Variants in ATP9B observed in about 807,000 individuals in gnomAD.
ATP9B encodes probable phospholipid-transporting ATPase IIB.
A neutral mutation model predicts 146.1 loss-of-function variants in ATP9B; 110 were observed. The observed-to-expected ratio is 0.75, with a 90% confidence interval of 0.65 to 0.88. ATP9B has a LOEUF of 0.88. Ranked by LOEUF, ATP9B falls within the 40% of genes least tolerant of loss-of-function variation. The probability of loss-of-function intolerance (pLI) is 0.00; values close to 1 mark genes in which losing one functional copy is unlikely to be tolerated. For missense variants in ATP9B, 1,499 were observed against 1,496.4 expected, an observed-to-expected ratio of 1.00 and a Z score of -0.03; for synonymous variants, 604 against 569.7, an observed-to-expected ratio of 1.06 and a Z score of -0.86.
At chr18:79,082,710 G>C (rs753488651) in intron 1 of ATP9B, among the ~76,000 whole-genome samples, 17 of 152,216 alleles carry the variant, frequency 1.1e-4, no homozygotes, top group Non-Finnish European at 8.8e-5. Flanking sequence ...TCCAGATCCT[G>C]TTTACCTGGG....
chr18:79,281,791 A>G (rs1024709401), intron 13 of ATP9B, among the ~76,000 whole-genome samples: 1 of 152,224 alleles, frequency 6.6e-6, no homozygotes, highest in Non-Finnish European at 1.5e-5. Flanking sequence ...TGGGAGGCCA[A>G]GGCAGGCGGA....
At chr18:79,110,289 C>T (rs1361518837) in intron 2 of ATP9B, 66 bp from the exon 3 acceptor site, 3 of 1,417,518 alleles carry the variant, frequency 2.1e-6, no homozygotes, top group Admixed American at 2.4e-5. Flanking sequence ...TAAATATGTA[C>T]AATTAGTTTG....
At chr18:79,136,223 G>A (rs1269690033) in intron 5 of ATP9B, among the ~76,000 whole-genome samples, 1 of 152,074 alleles carries the variant, frequency 6.6e-6, no homozygotes, top group Non-Finnish European at 1.5e-5. Flanking sequence ...GTTTTGAATG[G>A]GATTTCATTG....
At chr18:79,332,645 C>A (rs931541600) in intron 17 of ATP9B, among the ~76,000 whole-genome samples, 1 of 152,034 alleles carries the variant, frequency 6.6e-6, no homozygotes. Context: ...AAGCTCACTC[C>A]GCATAAACTT....
chr18:79,273,376 A>G (rs2096275776), intron 12 of ATP9B, among the ~76,000 whole-genome samples: 1 of 152,198 alleles, frequency 6.6e-6, no homozygotes, highest in Admixed American at 6.5e-5. Flanking sequence ...ATCCCATGAA[A>G]AATGGAAAGA....
At chr18:79,162,099 T>G (rs1263176645) in intron 7 of ATP9B, among the ~76,000 whole-genome samples, 1 of 152,252 alleles carries the variant, frequency 6.6e-6, no homozygotes, top group Non-Finnish European at 1.5e-5. Context: ...CTTTTTAGTT[T>G]CAGTTTGAAA....
Position 79,193,221 on chromosome 18 carries a change from A to G in ATP9B, c.912A>G (p.Lys304=), listed in dbSNP as rs1464926603. 6.2e-7 allele frequency: 1 copy of G among 1,612,322 alleles called. No homozygotes were observed. Among genetic ancestry groups the G allele is most frequent in the Admixed American group, 1.7e-5 (1 of 60,012 alleles). ...FSISAYVYAQ[K]PQMDIHSFEG... Reference sequence around the variant, plus strand: ...TCAGTGCTTATGTTTATGCTCAGAAACCACAAATGGACATTCACAGTTTCG... The same window carrying G: ...TCAGTGCTTATGTTTATGCTCAGAAGCCACAAATGGACATTCACAGTTTCG... The change falls in exon 9 of 30, where the codon AAA becomes AAG. Residue 304 remains lysine (K), a synonymous_variant. Coordinates refer to ENST00000426216, the MANE Select transcript of ATP9B (RefSeq NM_198531.5).
chr18:79,124,002 G>T (rs2094236454), intron 4 of ATP9B, among the ~76,000 whole-genome samples: 1 of 152,198 alleles, frequency 6.6e-6, no homozygotes, highest in Admixed American at 6.5e-5. Context: ...ACAAAGGGCA[G>T]ACAGTAACAA....
chr18:79,097,145 A>G (rs1438961065), intron 2 of ATP9B, among the ~76,000 whole-genome samples: 11 of 151,132 alleles, frequency 7.3e-5, no homozygotes, highest in African/African-American at 2.7e-4. Context: ...GCAATGGAGT[A>G]AGACTCTGTC....
intron 26 of ATP9B, among the ~76,000 whole-genome samples, chr18:79,365,633 C>G (rs765746496): frequency 3.3e-5 from 5 of 152,262 alleles, no homozygotes; most frequent in Non-Finnish European, 7.3e-5. Flanking sequence ...AGAAGGATGT[C>G]TCCGTGGACA....
intron 1 of ATP9B, among the ~76,000 whole-genome samples, chr18:79,076,128 A>C (rs532593670): frequency 6.6e-6 from 1 of 152,194 alleles, no homozygotes; most frequent in Non-Finnish European, 1.5e-5. Context: ...AAAGTATATA[A>C]ATATTTCCCT....
chr18:79,088,614 G>A (rs2074049863), intron 1 of ATP9B, among the ~76,000 whole-genome samples: 1 of 152,138 alleles, frequency 6.6e-6, no homozygotes, highest in South Asian at 2.1e-4. Context: ...AGAGTAGGGT[G>A]TTTAAAAGAG....
intron 11 of ATP9B, among the ~76,000 whole-genome samples, chr18:79,238,520 C>T (rs189387834): frequency 2.0e-5 from 3 of 152,302 alleles, no homozygotes; most frequent in East Asian, 1.9e-4. Flanking sequence ...GTGCCCCCTC[C>T]GTGTACTCCC....
chr18:79,076,102 A>G (rs956181413), intron 1 of ATP9B, among the ~76,000 whole-genome samples: 9 of 152,234 alleles, frequency 5.9e-5, no homozygotes, highest in African/African-American at 2.2e-4. Flanking sequence ...AAGTGTATGT[A>G]GATTTTACAT....
At chr18:79,290,400 G>T (rs541016620) in intron 13 of ATP9B, among the ~76,000 whole-genome samples, 2 of 152,206 alleles carry the variant, frequency 1.3e-5, no homozygotes, top group African/African-American at 2.4e-5. Flanking sequence ...GAGACTCTGT[G>T]GGGTAGGACC....
intron 15 of ATP9B, among the ~76,000 whole-genome samples, chr18:79,318,288 G>A (rs1426851498): frequency 1.3e-5 from 2 of 152,236 alleles, no homozygotes; most frequent in Non-Finnish European, 2.9e-5. Flanking sequence ...TCAGTCAGGT[G>A]AGTAGGGTCA....
intron 9 of ATP9B, 122 bp from the exon 10 acceptor site, chr18:79,206,815 C>A: frequency 2.4e-6 from 2 of 816,880 alleles, no homozygotes; most frequent in Non-Finnish European, 1.9e-6. Flanking sequence ...TTTTGCAGTG[C>A]CTTTGCACTG....
intron 26 of ATP9B, among the ~76,000 whole-genome samples, chr18:79,370,792 G>A (rs896726781): frequency 1.3e-5 from 2 of 152,170 alleles, no homozygotes; most frequent in Non-Finnish European, 2.9e-5. Context: ...ACACCACTTC[G>A]TCTTCCACAT....
At chr18:79,110,303 T>A in intron 2 of ATP9B, 52 bp from the exon 3 acceptor site, 1 of 1,483,494 alleles carries the variant, frequency 6.7e-7, no homozygotes, top group East Asian at 2.4e-5. Context: ...TAGTTTGAAC[T>A]TTTTTAAAAA....
Sources: allele counts gnomAD v4.1 joint callset (sites outside exome capture counted in the v4.1 genomes callset), GRCh38; gene constraint gnomAD v4.1.1; transcripts MANE v1.5; gene names NCBI Gene and HGNC (gene_info 2026-07-23, HGNC 2026-07-21).